Variants in NBEA observed in about 807,000 individuals in gnomAD.
NBEA encodes the protein lysosomal-trafficking regulator 2.
NBEA carries 44 observed loss-of-function variants against 343.4 expected under a neutral mutation model. The observed-to-expected ratio is 0.13, with a 90% CI of 0.10 to 0.16. The LOEUF is 0.16. Among genes scored for constraint, NBEA ranks in the 10% least tolerant of loss-of-function variants. NBEA has a pLI of 1.00. For synonymous variants in NBEA, 1,175 were observed against 1,238.7 expected (o/e 0.95, Z 1.08); for missense variants, 2,555 against 3,631.3 (o/e 0.70, Z 7.62).
intron 38 of NBEA, among the ~76,000 whole-genome samples, chr13:35,415,419 G>A (rs1292527647): frequency 3.3e-5 from 5 of 152,022 alleles, no homozygotes; most frequent in Non-Finnish European, 7.4e-5. Flanking sequence ...TATAAGATGT[G>A]AGGAAGGGAT....
intron 8 of NBEA, 77 bp downstream of exon 8, chr13:35,058,940 A>G: frequency 8.0e-7 from 1 of 1,243,532 alleles, no homozygotes; most frequent in Non-Finnish European, 1.1e-6. Context: ...TTTTTAGTGA[A>G]AATCTTTAAT....
chr13:35,655,957 T>A (rs1214412545), intron 55 of NBEA, among the ~76,000 whole-genome samples: 2 of 152,126 alleles, frequency 1.3e-5, no homozygotes, highest in Non-Finnish European at 2.9e-5. Context: ...GACTTCCAGA[T>A]CCCCTCACCA....
At chr13:35,050,443 C>T in intron 6 of NBEA, 48 bp downstream of exon 6, 4 of 1,555,302 alleles carry the variant, frequency 2.6e-6, no homozygotes, top group Non-Finnish European at 3.5e-6. Flanking sequence ...TGACAGAATT[C>T]TTAACTCTCC....
intron 18 of NBEA, among the ~76,000 whole-genome samples, chr13:35,152,931 C>T (rs1238867371): frequency 6.6e-6 from 1 of 152,022 alleles, no homozygotes; most frequent in Non-Finnish European, 1.5e-5. Flanking sequence ...ACCTTTGGGG[C>T]CCATCTTGAG....
intron 43 of NBEA, among the ~76,000 whole-genome samples, chr13:35,552,069 A>C (rs1223266205): frequency 1.3e-5 from 2 of 152,202 alleles, no homozygotes; most frequent in African/African-American, 4.8e-5. Context: ...CCGTTGATGA[A>C]GAACAAAGGG....
chr13:35,007,604 G>T (rs1323318652), intron 1 of NBEA, among the ~76,000 whole-genome samples: 1 of 152,090 alleles, frequency 6.6e-6, no homozygotes, highest in Non-Finnish European at 1.5e-5. Flanking sequence ...TGATCCTCCT[G>T]CAGCGGCCTC....
At chr13:35,031,376 A>G (rs1030638117) in intron 1 of NBEA, among the ~76,000 whole-genome samples, 1 of 151,708 alleles carries the variant, frequency 6.6e-6, no homozygotes, top group African/African-American at 2.4e-5. Flanking sequence ...GTTTCAGTAA[A>G]TGTCCAAGTG....
intron 49 of NBEA, among the ~76,000 whole-genome samples, chr13:35,628,716 G>A (rs1293605374): frequency 6.6e-6 from 1 of 152,076 alleles, no homozygotes; most frequent in Non-Finnish European, 1.5e-5. Context: ...CCAGGAGTTC[G>A]AGACCAGCCT....
intron 40 of NBEA, among the ~76,000 whole-genome samples, chr13:35,457,686 G>T (rs2046660355): frequency 6.6e-6 from 1 of 152,104 alleles, no homozygotes; most frequent in Non-Finnish European, 1.5e-5. Context: ...TCGGTTCACT[G>T]CAAGCTCTGC....
At chr13:35,105,890 G>A (rs2065898073) in intron 11 of NBEA, among the ~76,000 whole-genome samples, 1 of 151,940 alleles carries the variant, frequency 6.6e-6, no homozygotes, top group Non-Finnish European at 1.5e-5. Context: ...TGTATATTAT[G>A]CTTTCTACAA....
intron 36 of NBEA, among the ~76,000 whole-genome samples, chr13:35,320,230 G>C (rs1053592251): frequency 6.6e-6 from 1 of 152,162 alleles, no homozygotes; most frequent in Non-Finnish European, 1.5e-5. Context: ...GCAGTGGCTG[G>C]TACCAGTTTT....
chr13:35,520,974 A>G (rs1440304130), intron 41 of NBEA, among the ~76,000 whole-genome samples: 2 of 152,142 alleles, frequency 1.3e-5, no homozygotes, highest in East Asian at 1.9e-4. Context: ...TTCTTTGTCC[A>G]TAGAGAAGAA....
chr13:35,279,174 A>T (rs2034869193), intron 34 of NBEA, among the ~76,000 whole-genome samples: 1 of 152,206 alleles, frequency 6.6e-6, no homozygotes, highest in South Asian at 2.1e-4. Flanking sequence ...AGCATAACAT[A>T]GATGAGAATA....
chr13:35,262,525 C>A (rs1226484831), intron 34 of NBEA, among the ~76,000 whole-genome samples: 1 of 152,120 alleles, frequency 6.6e-6, no homozygotes, highest in East Asian at 1.9e-4. Context: ...TGTAGATGAA[C>A]TCAAAGACAT....
At chr13:35,658,309 C>T (rs557748392) in intron 55 of NBEA, among the ~76,000 whole-genome samples, 134 of 152,196 alleles carry the variant, frequency 8.8e-4, no homozygotes, top group Non-Finnish European at 1.4e-3. Flanking sequence ...CATTATGAAC[C>T]TAAACCACTT....
At chr13:35,028,046 A>G (rs1225833974) in intron 1 of NBEA, among the ~76,000 whole-genome samples, 1 of 151,840 alleles carries the variant, frequency 6.6e-6, no homozygotes, top group African/African-American at 2.4e-5. Context: ...GTGTCTATCA[A>G]CTCACCAGTG....
intron 40 of NBEA, among the ~76,000 whole-genome samples, chr13:35,459,970 T>G (rs559572194): frequency 1.3e-5 from 2 of 152,330 alleles, no homozygotes; most frequent in African/African-American, 4.8e-5. Context: ...TAAGCCTAAC[T>G]CTGTGCATTG....
At chr13:35,506,690 G>A (rs1429243798) in intron 41 of NBEA, among the ~76,000 whole-genome samples, 2 of 152,096 alleles carry the variant, frequency 1.3e-5, no homozygotes, top group East Asian at 3.9e-4. Context: ...TTATTTCATT[G>A]CAATTTTTCA....
intron 40 of NBEA, among the ~76,000 whole-genome samples, chr13:35,463,283 A>G (rs1332785503): frequency 2.6e-5 from 4 of 152,220 alleles, no homozygotes; most frequent in Non-Finnish European, 5.9e-5. Flanking sequence ...CTAATGAGAA[A>G]AAAGAAACTC....
Sources: allele counts gnomAD v4.1 joint callset (sites outside exome capture counted in the v4.1 genomes callset), GRCh38; gene constraint gnomAD v4.1.1; transcripts MANE v1.5; gene names NCBI Gene and HGNC (gene_info 2026-07-23, HGNC 2026-07-21).